The following WWOX variants were observed in gnomAD, a reference collection of about 807,000 sequenced individuals.
WWOX encodes the protein WW domain-containing oxidoreductase.
WWOX carries 69 observed loss-of-function variants against 46.2 expected under a neutral mutation model. The ratio of observed to expected loss-of-function variants is 1.49; its 90% confidence interval spans 1.23 to 1.82. WWOX has a LOEUF of 1.82. Among genes scored for constraint, WWOX ranks in the 40% most tolerant of loss-of-function variants. The pLI is 0.00. For missense variants in WWOX, 919 were observed against 542.6 expected (o/e 1.69, Z -6.89); for synonymous variants, 359 against 202.6 (o/e 1.77, Z -6.56).
In WWOX at chr16:78,432,899, T is replaced by C. The variant is rs547243562; in HGVS notation, c.1056+147T>C. On this transcript the variant is annotated intron_variant, in intron 8 of 8. Transcript: ENST00000566780. ...CCATCATAAAGGGCTCTTGAACACA[T>C]TTTCATCAACTTTAGGTTAAGTCTG... 5.4e-5 allele frequency: 70 copies of C among 1,289,594 alleles called. No individual in the cohort carries two copies. The South Asian group carries it at 8.2e-4, about 15-fold the overall frequency. 79.9% of individuals were successfully genotyped at this position (1,289,594 alleles called of 1,614,324 possible). A position where few individuals can be genotyped will look rare whatever the true frequency, so the allele number is the denominator to read the frequency against.
At chr16:78,411,399 A>G (rs1416637782) in intron 6 of WWOX, among the ~76,000 whole-genome samples, 2 of 152,312 alleles carry the variant, frequency 1.3e-5, no homozygotes, top group South Asian at 2.1e-4. Flanking sequence ...CAGTGAAATA[A>G]TATTTGAGCA....
chr16:78,122,724 C>T (rs2033159859), intron 4 of WWOX, among the ~76,000 whole-genome samples: 1 of 151,922 alleles, frequency 6.6e-6, no homozygotes, highest in South Asian at 2.1e-4. Context: ...CCTGCCTCAG[C>T]CTCCTGAATA....
At chr16:78,414,267 G>C (rs1265267054) in intron 6 of WWOX, among the ~76,000 whole-genome samples, 1 of 152,126 alleles carries the variant, frequency 6.6e-6, no homozygotes, top group Non-Finnish European at 1.5e-5. Flanking sequence ...CTGCACTCAG[G>C]TGATTAAAAA....
chr16:78,749,614 A>G (rs1261101343), intron 8 of WWOX, among the ~76,000 whole-genome samples: 1 of 152,186 alleles, frequency 6.6e-6, no homozygotes, highest in African/African-American at 2.4e-5. Flanking sequence ...TTTGGAGGAT[A>G]AGGAAGCATG....
intron 8 of WWOX, among the ~76,000 whole-genome samples, chr16:78,505,329 GA>G (rs1319973949): frequency 6.6e-6 from 1 of 152,176 alleles, no homozygotes; most frequent in African/African-American, 2.4e-5. Context: ...CTTCTGGCTT[GA>G]CAATGCCTTC....
chr16:79,177,164 T>A (rs2050816415), intron 8 of WWOX, among the ~76,000 whole-genome samples: 1 of 152,184 alleles, frequency 6.6e-6, no homozygotes, highest in South Asian at 2.1e-4. Flanking sequence ...GTTCCCCTTT[T>A]GCTGTGAAGT....
At chr16:78,659,109 C>G (rs1184160554) in intron 8 of WWOX, among the ~76,000 whole-genome samples, 1 of 148,250 alleles carries the variant, frequency 6.7e-6, no homozygotes, top group African/African-American at 2.5e-5. Context: ...AACAAACAAA[C>G]AAACAAAAAA....
At chr16:78,445,876 T>C (rs932031621) in intron 8 of WWOX, among the ~76,000 whole-genome samples, 3 of 142,136 alleles carry the variant, frequency 2.1e-5, no homozygotes, top group African/African-American at 7.8e-5. Context: ...AGGCTCTGTC[T>C]TGGGGCGGGG....
chr16:78,505,107 G>C lies in WWOX; in HGVS notation c.1056+72355G>C, dbSNP rs528725491. Among the ~76,000 whole-genome samples the C allele has an allele frequency of 5.9e-5, 9 of 152,280 alleles. No individual in the cohort carries two copies. The East Asian group carries it at 9.7e-4, about 16-fold the overall frequency. On this transcript the variant is annotated intron_variant, in intron 8 of 8. Coordinates refer to ENST00000566780, the MANE Select transcript of WWOX (RefSeq NM_016373.4). ...AGCCGCCGAAGCACAATAGGGTTTA[G>C]AGCGTTCACACCAGGCAGCCCCCAC...
intron 8 of WWOX, among the ~76,000 whole-genome samples, chr16:79,091,674 C>T (rs189852235): frequency 2.0e-5 from 3 of 152,230 alleles, no homozygotes; most frequent in Non-Finnish European, 4.4e-5. Context: ...ATATTCTTAC[C>T]TCTTCGTTAA....
chr16:78,940,767 C>T (rs1481339681), intron 8 of WWOX, among the ~76,000 whole-genome samples: 2 of 150,202 alleles, frequency 1.3e-5, no homozygotes, highest in African/African-American at 2.5e-5. Context: ...GACGTCAAGT[C>T]CCTGTTTGTT....
intron 8 of WWOX, among the ~76,000 whole-genome samples, chr16:78,968,078 C>T (rs964202003): frequency 6.6e-6 from 1 of 151,842 alleles, no homozygotes; most frequent in Non-Finnish European, 1.5e-5. Context: ...GTCTGTATGG[C>T]ACAGTGCATG....
At chr16:78,465,560 C>T (rs2738663) in intron 8 of WWOX, among the ~76,000 whole-genome samples, 58,816 of 152,170 alleles carry the variant, frequency 0.39, 16,122 homozygotes, top group African/African-American at 0.79. Flanking sequence ...CTGAATGATA[C>T]CTTTTCATTA....
At chr16:79,121,074 C>T (rs1305025358) in intron 8 of WWOX, among the ~76,000 whole-genome samples, 2 of 152,150 alleles carry the variant, frequency 1.3e-5, no homozygotes, top group East Asian at 3.9e-4. Context: ...TGGCTATCTG[C>T]GTTTCTTCTG....
At chr16:78,981,903 T>G (rs2046689840) in intron 8 of WWOX, 1 of 152,208 alleles carries the variant, frequency 6.6e-6, no homozygotes, top group Non-Finnish European at 1.5e-5. Context: ...GCAAGAAGAC[T>G]CCTTCAAGCA....
intron 8 of WWOX, among the ~76,000 whole-genome samples, chr16:78,659,117 A>C (rs111281894): frequency 0.016 from 2,472 of 151,600 alleles, 35 homozygotes; most frequent in Non-Finnish European, 0.021. Flanking sequence ...AACAAACAAA[A>C]AAAAAACAAA....
intron 8 of WWOX, among the ~76,000 whole-genome samples, chr16:78,836,517 C>T (rs1433227051): frequency 2.6e-5 from 4 of 152,170 alleles, no homozygotes; most frequent in Non-Finnish European, 4.4e-5. Flanking sequence ...ACTTCTGCCC[C>T]TTGCCATGTT....
chr16:78,925,099 A>T (rs2045468606), intron 8 of WWOX, among the ~76,000 whole-genome samples: 1 of 152,106 alleles, frequency 6.6e-6, no homozygotes, highest in Admixed American at 6.5e-5. Flanking sequence ...GGAGGCTGAG[A>T]TGGGATGATT....
In WWOX at chr16:79,057,879, T is replaced by A. The variant is rs569920576; in HGVS notation, c.1057-153729T>A. ...ATCATCTGAATTATTTCCATATCCA[T>A]AATGTGCAAGGATATCCTTCCATGT... is the stretch of plus-strand genomic sequence containing the variant. On this transcript the variant is annotated intron_variant, in intron 8 of 8. Coordinates refer to ENST00000566780, the MANE Select transcript of WWOX (RefSeq NM_016373.4). Among the ~76,000 whole-genome samples the A allele has an allele frequency of 3.2e-3, 485 of 152,248 alleles. 7 individuals carry two copies. Among genetic ancestry groups the A allele is most frequent in the Middle Eastern group, 0.014 (4 of 294 alleles).
Sources: gnomAD v4.1 joint callset for allele counts (sites outside exome capture counted in the v4.1 genomes callset) on GRCh38, gnomAD v4.1.1 for gene constraint, MANE v1.5 for transcripts, NCBI Gene and HGNC (gene_info 2026-07-23, HGNC 2026-07-21) for gene names.